The following CAPZB variants were observed in gnomAD, a reference collection of about 807,000 sequenced individuals.
The protein encoded by CAPZB is F-actin-capping protein subunit beta.
Under a neutral mutation model 38.1 loss-of-function variants are expected in CAPZB, and 2 were observed. That is an observed-to-expected ratio of 0.05 (90% CI 0.02 to 0.17). The LOEUF (loss-of-function observed/expected upper bound fraction) is 0.17. Among genes scored for constraint, CAPZB ranks in the 10% least tolerant of loss-of-function variants. The pLI is 1.00. For missense variants in CAPZB, 161 were observed against 334.2 expected, an observed-to-expected ratio of 0.48 and a Z score of 4.04; for synonymous variants, 107 against 127.4, an observed-to-expected ratio of 0.84 and a Z score of 1.08.
chr1:19,439,986 G>A (rs992011671), intron 1 of CAPZB, among the ~76,000 whole-genome samples: 12 of 152,184 alleles, frequency 7.9e-5, no homozygotes, highest in African/African-American at 2.9e-4. Flanking sequence ...GACACAAAGA[G>A]AGCGGGACAG....
At chr1:19,381,280 A>C (rs2094173293) in intron 3 of CAPZB, among the ~76,000 whole-genome samples, 1 of 150,110 alleles carries the variant, frequency 6.7e-6, no homozygotes, top group African/African-American at 2.4e-5. Context: ...CCACAACAGA[A>C]CCAACCACTC....
intron 1 of CAPZB, among the ~76,000 whole-genome samples, chr1:19,467,211 T>TA (rs1443753875): frequency 3.3e-5 from 5 of 152,162 alleles, no homozygotes; most frequent in Non-Finnish European, 5.9e-5. Context: ...AAGCCAATTT[T>TA]AAGGAAAGCC....
At chr1:19,471,759 C>T (rs771661021) in intron 1 of CAPZB, among the ~76,000 whole-genome samples, 3 of 151,828 alleles carry the variant, frequency 2.0e-5, no homozygotes, top group Non-Finnish European at 2.9e-5. Context: ...CCCAGCTACT[C>T]GGGAGGCTGA....
intron 1 of CAPZB, among the ~76,000 whole-genome samples, chr1:19,464,581 C>A (rs990641718): frequency 6.6e-6 from 1 of 152,038 alleles, no homozygotes; most frequent in Non-Finnish European, 1.5e-5. Context: ...TGTAAGCCAC[C>A]GCACCCGGCC....
At chr1:19,431,821 A>G (rs1369769428) in intron 1 of CAPZB, among the ~76,000 whole-genome samples, 2 of 152,190 alleles carry the variant, frequency 1.3e-5, no homozygotes, top group East Asian at 3.8e-4. Context: ...TTACACCTGT[A>G]ATCCTAGCAC....
chr1:19,388,267 T>C (rs1030719266), intron 2 of CAPZB, among the ~76,000 whole-genome samples: 2 of 152,204 alleles, frequency 1.3e-5, no homozygotes, highest in Non-Finnish European at 2.9e-5. Context: ...GTTATCTGTA[T>C]CCCTCACTAG....
Position 19,447,755 on chromosome 1 carries a change from G to A in CAPZB, c.4-28005C>T, listed in dbSNP as rs74905068. Among the ~76,000 whole-genome samples, 1,503 of 152,304 alleles carry A rather than the reference G, an allele frequency of 9.9e-3. 58 individuals are homozygous for A. In the East Asian group the frequency reaches 0.12, roughly 12 times the overall value. On this transcript the variant is annotated intron_variant, in intron 1 of 8. Coordinates refer to ENST00000264202, the MANE Select transcript of CAPZB (RefSeq NM_004930.5). ...AGGGCACGGCTCACTGACGCCATCC[G>A]ACCCAGCCCCAGCAGCTCGCAGGCC...
intron 6 of CAPZB, among the ~76,000 whole-genome samples, chr1:19,351,635 G>T (rs767757301): frequency 6.6e-6 from 1 of 152,154 alleles, no homozygotes; most frequent in South Asian, 2.1e-4. Flanking sequence ...CAAAGAGGTG[G>T]AGGTCTGTCT....
At chr1:19,379,039 A>G (rs757806394) in intron 3 of CAPZB, among the ~76,000 whole-genome samples, 2 of 151,700 alleles carry the variant, frequency 1.3e-5, no homozygotes, top group African/African-American at 4.8e-5. Flanking sequence ...TGTTCAACAA[A>G]TGCTAGTTCT....
intron 3 of CAPZB, among the ~76,000 whole-genome samples, chr1:19,379,654 A>G (rs925370500): frequency 1.3e-5 from 2 of 152,344 alleles, no homozygotes; most frequent in Middle Eastern, 3.4e-3. Context: ...AAGACTGCTA[A>G]GTAATGAGAA....
chr1:19,368,495 GAA>G (rs33961282), intron 4 of CAPZB, among the ~76,000 whole-genome samples: 33,577 of 112,510 alleles, frequency 0.3, 4,494 homozygotes, highest in South Asian at 0.38. Context: ...TTTTTTCTTG[GAA>G]AAAAAAAAAA....
intron 2 of CAPZB, among the ~76,000 whole-genome samples, chr1:19,394,959 C>A (rs2094258248): frequency 6.6e-6 from 1 of 152,118 alleles, no homozygotes; most frequent in African/African-American, 2.4e-5. Context: ...TCCCACAGCT[C>A]CCCACAAGCC....
chr1:19,386,508 A>G (rs1041278038), intron 2 of CAPZB, among the ~76,000 whole-genome samples: 2 of 152,214 alleles, frequency 1.3e-5, no homozygotes, highest in African/African-American at 4.8e-5. Context: ...TTACCAGGAA[A>G]GTGCCTGCCA....
chr1:19,388,280 T>G (rs2094214239), intron 2 of CAPZB, among the ~76,000 whole-genome samples: 1 of 152,312 alleles, frequency 6.6e-6, no homozygotes, highest in African/African-American at 2.4e-5. Flanking sequence ...CTCACTAGAA[T>G]GTAAGTTTTA....
At chr1:19,370,535 G>T (rs1274931892) in intron 4 of CAPZB, among the ~76,000 whole-genome samples, 1 of 152,162 alleles carries the variant, frequency 6.6e-6, no homozygotes, top group Admixed American at 6.5e-5. Flanking sequence ...GCAAGCCAGG[G>T]ACTCAGTGCC....
intron 6 of CAPZB, among the ~76,000 whole-genome samples, chr1:19,352,893 C>T (rs1446133600): frequency 6.6e-6 from 1 of 152,264 alleles, no homozygotes; most frequent in East Asian, 1.9e-4. Flanking sequence ...GCCACGTGCC[C>T]AGGAGAGTGG....
intron 4 of CAPZB, among the ~76,000 whole-genome samples, chr1:19,363,624 G>A (rs369618318): frequency 1.1e-4 from 17 of 152,160 alleles, no homozygotes; most frequent in African/African-American, 4.1e-4. Flanking sequence ...AAAAGAAAAT[G>A]TTTCAGCTCC....
chr1:19,354,293 G>A (rs553860345), intron 6 of CAPZB, among the ~76,000 whole-genome samples: 7 of 152,150 alleles, frequency 4.6e-5, no homozygotes, highest in South Asian at 2.1e-4. Context: ...AGAACCCTTC[G>A]CCTCCCATCC....
intron 1 of CAPZB, among the ~76,000 whole-genome samples, chr1:19,461,832 T>A (rs2094552846): frequency 2.0e-5 from 3 of 152,170 alleles, no homozygotes; most frequent in Admixed American, 6.5e-5. Context: ...TTTTCTTGTC[T>A]CTAAAACTAG....
Sources: allele counts gnomAD v4.1 joint callset (sites outside exome capture counted in the v4.1 genomes callset), GRCh38; gene constraint gnomAD v4.1.1; transcripts MANE v1.5; gene names NCBI Gene and HGNC (gene_info 2026-07-23, HGNC 2026-07-21).